Variants in KNTC1 observed in about 807,000 individuals in gnomAD.
KNTC1 encodes the protein kinetochore associated 1.
Under a neutral mutation model 314.4 loss-of-function variants are expected in KNTC1, and 253 were observed. The observed-to-expected ratio is 0.80, with a 90% CI of 0.73 to 0.89. The LOEUF (loss-of-function observed/expected upper bound fraction) is 0.89. Among genes scored for constraint, KNTC1 ranks in the 40% least tolerant of loss-of-function variants. KNTC1 has a pLI of 0.00. For missense variants in KNTC1, 2,475 were observed against 2,572.9 expected, an observed-to-expected ratio of 0.96 and a Z score of 0.82; for synonymous variants, 901 against 901.4, an observed-to-expected ratio of 1.00 and a Z score of 0.01.
chr12:122,532,734 T>A (rs1237740233), intron 2 of KNTC1, among the ~76,000 whole-genome samples: 1 of 152,214 alleles, frequency 6.6e-6, no homozygotes, highest in Non-Finnish European at 1.5e-5. Flanking sequence ...AGATGGCATC[T>A]TATTCATTCC....
In KNTC1 at chr12:122,530,043, C is replaced by G. The variant is rs781316398; in HGVS notation, c.-21C>G. ...TCAGGAAAGACAGTGGTTCCTGACT[C>G]AGGAAGACAGTCTCAGAAACATGTG... On this transcript the variant is annotated 5_prime_UTR_variant, in exon 2 of 64. Transcript: ENST00000333479. 6.2e-7 allele frequency: 1 copy of G among 1,611,320 alleles called. No individual in the cohort carries two copies. The highest frequency in any genetic ancestry group is 1.3e-5 in the African/African-American group (1 of 74,878).
chr12:122,559,429 T>C (rs1269399330), intron 18 of KNTC1, among the ~76,000 whole-genome samples: 1 of 152,186 alleles, frequency 6.6e-6, no homozygotes, highest in Non-Finnish European at 1.5e-5. Context: ...GCACATAATA[T>C]TCTATTTTAT....
chr12:122,535,361 TA>T (rs886180763), intron 3 of KNTC1, among the ~76,000 whole-genome samples: 20 of 152,034 alleles, frequency 1.3e-4, no homozygotes, highest in African/African-American at 4.8e-4. Flanking sequence ...CCATTTCTAC[TA>T]AAAATACAAA....
intron 3 of KNTC1, 149 bp downstream of exon 3, chr12:122,534,933 C>T: frequency 1.3e-6 from 1 of 744,314 alleles, no homozygotes; most frequent in East Asian, 2.7e-5. Context: ...GTGCTTAGTG[C>T]CTTATTTGCG....
At position 122,588,830 on chromosome 12, in the gene KNTC1, CT is replaced by C. The variant is rs1439304123; in HGVS notation, c.3999+15del. The C allele has an allele frequency of 1.8e-5, 27 of 1,475,806 alleles. No individual in the cohort carries two copies. In the Admixed American group the frequency reaches 6.5e-4, roughly 36 times the overall value. The allele number at this position is 1,475,806 out of a possible 1,614,324, so 91.4% of individuals were successfully genotyped here. A position where few individuals can be genotyped will look rare whatever the true frequency, so the allele number is the denominator to read the frequency against. ...CTACTGCACAAAGTAAGTATTTGTT[CT>C]GGGTAAAAATTTTGTTTGTTTTTTT... On this transcript the variant is annotated intron_variant, in intron 40 of 63. Coordinates refer to ENST00000333479, the MANE Select transcript of KNTC1 (RefSeq NM_014708.6).
Position 122,582,862 on chromosome 12 carries a change from G to A in KNTC1, c.3140G>A (p.Ser1047Asn). 6.2e-7 allele frequency: 1 copy of A among 1,612,226 alleles called. No homozygotes were observed. Among genetic ancestry groups the A allele is most frequent in the Non-Finnish European group, 8.5e-7 (1 of 1,179,132 alleles). The change falls in exon 34 of 64, where the codon AGC becomes AAC. Residue 1047 changes from serine (S) to asparagine (N), a missense_variant. Transcript: ENST00000333479. ...EPIAAEVRSP[S>N]MESKLHRQAL... ...ATAGCTGCTGAGGTGAGGAGCCCAA[G>A]CATGGAATCAAAGCTGCACAGACAG...
chr12:122,551,384 T>A, intron 14 of KNTC1, 22 bp downstream of exon 14: 1 of 1,588,938 alleles, frequency 6.3e-7, no homozygotes. Context: ...TTTACCGTGT[T>A]AAGTAATAGC....
intron 51 of KNTC1, among the ~76,000 whole-genome samples, chr12:122,607,290 C>T (rs1840062132): frequency 6.6e-6 from 1 of 152,188 alleles, no homozygotes; most frequent in African/African-American, 2.4e-5. Context: ...TCTCGAACTC[C>T]TGGCCTCATA....
chr12:122,555,841 T>A (rs889709691), intron 16 of KNTC1, among the ~76,000 whole-genome samples: 1 of 152,148 alleles, frequency 6.6e-6, no homozygotes, highest in East Asian at 1.9e-4. Context: ...AGAGCGAGAC[T>A]CTGTCTCATA....
intron 41 of KNTC1, 50 bp downstream of exon 41, chr12:122,590,785 G>A (rs771461369): frequency 3.2e-6 from 5 of 1,560,134 alleles, no homozygotes; most frequent in Admixed American, 1.8e-5. Flanking sequence ...TCAAGATTGG[G>A]GGGGAGAAAT....
intron 12 of KNTC1, 100 bp downstream of exon 12, chr12:122,548,069 T>G: frequency 1.6e-6 from 1 of 624,202 alleles, no homozygotes; most frequent in South Asian, 2.3e-5. Flanking sequence ...TATTAGCTCT[T>G]AGTTCACACA....
At chr12:122,572,172 A>C (rs952625590) in intron 24 of KNTC1, among the ~76,000 whole-genome samples, 3 of 152,120 alleles carry the variant, frequency 2.0e-5, no homozygotes, top group African/African-American at 4.8e-5. Context: ...TGGGCAGATC[A>C]TTTGAGGTCA....
intron 21 of KNTC1, among the ~76,000 whole-genome samples, 194 bp from the exon 22 acceptor site, chr12:122,569,487 C>T (rs978862953): frequency 2.0e-5 from 3 of 152,194 alleles, no homozygotes; most frequent in African/African-American, 7.2e-5. Context: ...CTATTTGGCA[C>T]TCAGCGCCGT....
intron 2 of KNTC1, among the ~76,000 whole-genome samples, chr12:122,530,974 A>G (rs1353367321): frequency 6.6e-6 from 1 of 151,998 alleles, no homozygotes; most frequent in African/African-American, 2.4e-5. Flanking sequence ...TTTGCATTCT[A>G]TAGAAGGTAC....
At chr12:122,621,114 A>ATTGAATG (rs1425147161) in intron 60 of KNTC1, among the ~76,000 whole-genome samples, 1 of 152,200 alleles carries the variant, frequency 6.6e-6, no homozygotes, top group Non-Finnish European at 1.5e-5. Context: ...AGACTTAGCA[A>ATTGAATG]TTGAATGTGG....
intron 2 of KNTC1, among the ~76,000 whole-genome samples, chr12:122,531,222 G>A (rs906464971): frequency 2.6e-5 from 4 of 151,960 alleles, no homozygotes; most frequent in Admixed American, 2.6e-4. Flanking sequence ...GCAGCTTTAA[G>A]CTGGTGTCTG....
intron 5 of KNTC1, among the ~76,000 whole-genome samples, chr12:122,541,265 C>T (rs965023335): frequency 9.6e-6 from 1 of 103,826 alleles, no homozygotes; most frequent in African/African-American, 3.7e-5. Context: ...TTGTGCTTGC[C>T]TGCCTGCCTG....
At chr12:122,622,872 C>T (rs989797416) in intron 62 of KNTC1, among the ~76,000 whole-genome samples, 5 of 151,552 alleles carry the variant, frequency 3.3e-5, no homozygotes, top group Non-Finnish European at 5.9e-5. Context: ...CTCTTCAACC[C>T]GGGAGGCAGA....
intron 37 of KNTC1, among the ~76,000 whole-genome samples, chr12:122,586,174 C>T (rs981954079): frequency 6.6e-6 from 1 of 152,186 alleles, no homozygotes; most frequent in African/African-American, 2.4e-5. Flanking sequence ...CCTCTGCCTC[C>T]TGGGTTCAAG....
Sources: gnomAD v4.1 joint callset for allele counts (sites outside exome capture counted in the v4.1 genomes callset) on GRCh38, gnomAD v4.1.1 for gene constraint, MANE v1.5 for transcripts, NCBI Gene and HGNC (gene_info 2026-07-23, HGNC 2026-07-21) for gene names.